The following ENOX1 variants were observed in gnomAD, a reference collection of about 807,000 sequenced individuals.
ENOX1 encodes candidate growth-related and time keeping constitutive hydroquinone (NADH) oxidase.
ENOX1 carries 42 observed loss-of-function variants against 82.5 expected under a neutral mutation model. The ratio of observed to expected loss-of-function variants is 0.51; its 90% confidence interval spans 0.40 to 0.66. ENOX1 has a LOEUF of 0.66. Among genes scored for constraint, ENOX1 ranks in the 30% least tolerant of loss-of-function variants. The pLI is 0.00. For synonymous variants in ENOX1, 271 were observed against 282.2 expected, an observed-to-expected ratio of 0.96 and a Z score of 0.40; for missense variants, 608 against 811.6, an observed-to-expected ratio of 0.75 and a Z score of 3.05.
chr13:43,522,881 A>T (rs546174176), intron 2 of ENOX1, among the ~76,000 whole-genome samples: 3 of 152,264 alleles, frequency 2.0e-5, no homozygotes, highest in Non-Finnish European at 4.4e-5. Context: ...ATGGTTCCAC[A>T]TTTTTCTCAT....
chr13:43,779,984 A>G lies in ENOX1; in HGVS notation c.-285+6668T>C, dbSNP rs371624815. On this transcript the variant is annotated intron_variant, in intron 1 of 16. Transcript: ENST00000690772. The stretch of plus-strand genomic sequence containing the variant: ...ATCCTGGCCAACACAGTGAAACCCC[A>G]TCTCTACTAAAAAGCAAATACAAAA... Among the ~76,000 whole-genome samples the G allele has an allele frequency of 4.1e-4, 63 of 152,060 alleles. 1 individual carries two copies. The highest frequency in any genetic ancestry group is 1.5e-3 in the South Asian group (7 of 4,816).
intron 2 of ENOX1, among the ~76,000 whole-genome samples, chr13:43,541,467 C>T (rs1294093476): frequency 1.3e-5 from 2 of 152,082 alleles, no homozygotes; most frequent in Non-Finnish European, 2.9e-5. Context: ...CACCACTGTA[C>T]TCCAGCCTGG....
chr13:43,770,831 C>A (rs1951552569), intron 1 of ENOX1, among the ~76,000 whole-genome samples: 1 of 149,718 alleles, frequency 6.7e-6, no homozygotes, highest in African/African-American at 2.5e-5. Context: ...CCGGGTGCAA[C>A]AACAGCATTT....
intron 1 of ENOX1, among the ~76,000 whole-genome samples, chr13:43,742,351 TAGAAGCA>T (rs1594649357): frequency 6.6e-6 from 1 of 151,876 alleles, no homozygotes; most frequent in East Asian, 1.9e-4. Context: ...GCCTAGGAAC[TAGAAGCA>T]TCAATGTCCA....
chr13:43,615,693 T>C (rs982271715), intron 2 of ENOX1, among the ~76,000 whole-genome samples: 7 of 152,196 alleles, frequency 4.6e-5, no homozygotes, highest in East Asian at 1.9e-4. Context: ...GCTGCACCCA[T>C]CAATCCGTCA....
chr13:43,671,227 T>C (rs754545735), intron 1 of ENOX1, among the ~76,000 whole-genome samples: 1 of 152,218 alleles, frequency 6.6e-6, no homozygotes, highest in African/African-American at 2.4e-5. Flanking sequence ...CATGCAGAAC[T>C]GTCAGTCAAT....
intron 2 of ENOX1, among the ~76,000 whole-genome samples, chr13:43,630,187 G>A (rs2083140917): frequency 1.3e-5 from 2 of 152,164 alleles, no homozygotes; most frequent in South Asian, 4.1e-4. Context: ...TAAGCATTAA[G>A]TGGACACCCT....
chr13:43,403,479 A>G (rs1239680618), intron 5 of ENOX1, among the ~76,000 whole-genome samples: 1 of 152,204 alleles, frequency 6.6e-6, no homozygotes, highest in Non-Finnish European at 1.5e-5. Flanking sequence ...GTTACCTTAT[A>G]TAGTACATGG....
intron 8 of ENOX1, among the ~76,000 whole-genome samples, chr13:43,349,597 G>C (rs2049635269): frequency 6.6e-6 from 1 of 152,112 alleles, no homozygotes; most frequent in Admixed American, 6.5e-5. Flanking sequence ...CTAAGACCAG[G>C]TGCAGGAGCA....
At chr13:43,639,621 G>A (rs1006954997) in intron 2 of ENOX1, among the ~76,000 whole-genome samples, 2 of 152,172 alleles carry the variant, frequency 1.3e-5, no homozygotes, top group African/African-American at 2.4e-5. Context: ...TGTCACTGAA[G>A]AGACCACCAG....
At chr13:43,567,596 T>C (rs1394989791) in intron 2 of ENOX1, among the ~76,000 whole-genome samples, 1 of 152,086 alleles carries the variant, frequency 6.6e-6, no homozygotes, top group African/African-American at 2.4e-5. Context: ...CTTATATTTA[T>C]GAAAAATAGG....
chr13:43,682,107 T>C (rs1055929673), intron 1 of ENOX1, among the ~76,000 whole-genome samples: 14 of 152,138 alleles, frequency 9.2e-5, no homozygotes, highest in African/African-American at 2.9e-4. Flanking sequence ...AACTATACTT[T>C]TCTGTTGTTG....
intron 1 of ENOX1, among the ~76,000 whole-genome samples, chr13:43,711,059 T>TCCCTCCC (rs2153813403): frequency 8.3e-6 from 1 of 120,530 alleles, no homozygotes; most frequent in East Asian, 2.9e-4. Flanking sequence ...CCAAATGCTA[T>TCCCTCCC]CCCTCCCCCC....
chr13:43,603,148 T>C (rs1325212245), intron 2 of ENOX1, among the ~76,000 whole-genome samples: 6 of 151,978 alleles, frequency 3.9e-5, no homozygotes, highest in Admixed American at 6.6e-5. Flanking sequence ...AATCAGAAAG[T>C]AACAAGTTAT....
At chr13:43,267,958 T>A (rs543947549) in intron 13 of ENOX1, among the ~76,000 whole-genome samples, 5 of 152,334 alleles carry the variant, frequency 3.3e-5, no homozygotes, top group East Asian at 3.9e-4. Context: ...CTCTTTTTTT[T>A]AAAATAATGG....
chr13:43,640,637 T>G (rs952472544), intron 2 of ENOX1, among the ~76,000 whole-genome samples: 3 of 152,012 alleles, frequency 2.0e-5, no homozygotes, highest in African/African-American at 7.3e-5. Flanking sequence ...TAACTCTCAT[T>G]CTCAATAGGA....
At chr13:43,659,090 A>G (rs2084587793) in intron 2 of ENOX1, among the ~76,000 whole-genome samples, 1 of 152,070 alleles carries the variant, frequency 6.6e-6, no homozygotes, top group Non-Finnish European at 1.5e-5. Context: ...ACTTTCTTGA[A>G]AATTTCCTTA....
intron 14 of ENOX1, among the ~76,000 whole-genome samples, chr13:43,244,523 T>C (rs546398643): frequency 5.8e-4 from 88 of 152,312 alleles, no homozygotes; most frequent in African/African-American, 2.0e-3. Flanking sequence ...ATTATCCTTA[T>C]AAGTAAAGAA....
At chr13:43,469,819 T>TA (rs1464431860) in intron 3 of ENOX1, among the ~76,000 whole-genome samples, 1 of 151,656 alleles carries the variant, frequency 6.6e-6, no homozygotes, top group African/African-American at 2.4e-5. Flanking sequence ...ACCAATTTTG[T>TA]AAAAAACAAA....
Sources: gnomAD v4.1 joint callset for allele counts (sites outside exome capture counted in the v4.1 genomes callset) on GRCh38, gnomAD v4.1.1 for gene constraint, MANE v1.5 for transcripts, NCBI Gene and HGNC (gene_info 2026-07-23, HGNC 2026-07-21) for gene names.